SEL1L2: variants seen among roughly 807,000 people sequenced by gnomAD.
The protein encoded by SEL1L2 is SEL1L2 adaptor subunit of SYVN1 ubiquitin ligase.
SEL1L2 carries 89 observed loss-of-function variants against 98.8 expected under a neutral mutation model. The ratio of observed to expected loss-of-function variants is 0.90; its 90% CI spans 0.76 to 1.07. The LOEUF is 1.07. Among genes scored for constraint, SEL1L2 ranks in the 50% least tolerant of loss-of-function variants. The pLI, the probability that SEL1L2 is intolerant of heterozygous loss-of-function variation, is 0.00. For synonymous variants in SEL1L2, 262 were observed against 278.5 expected, an observed-to-expected ratio of 0.94 and a Z score of 0.59; for missense variants, 788 against 812.0, an observed-to-expected ratio of 0.97 and a Z score of 0.36.
At chr20:13,852,552 T>C (rs1988445895) in intron 18 of SEL1L2, among the ~76,000 whole-genome samples, 1 of 152,202 alleles carries the variant, frequency 6.6e-6, no homozygotes, top group Admixed American at 6.5e-5. Flanking sequence ...ATGACCACAG[T>C]TCATTAAATG....
chr20:13,850,413 G>A, intron 18 of SEL1L2, 94 bp from the exon 19 acceptor site: 2 of 1,378,106 alleles, frequency 1.5e-6, no homozygotes, highest in Non-Finnish European at 2.0e-6. Context: ...TAAGGTTACA[G>A]GTCTTAAGAT....
At chr20:13,987,441 G>A (rs1006065715) in intron 1 of SEL1L2, among the ~76,000 whole-genome samples, 1 of 151,726 alleles carries the variant, frequency 6.6e-6, no homozygotes, top group Non-Finnish European at 1.5e-5. Flanking sequence ...TGCCTCCGGG[G>A]TTCAAGCGAT....
intron 2 of SEL1L2, among the ~76,000 whole-genome samples, chr20:13,938,013 G>A (rs2049539138): frequency 6.6e-6 from 1 of 151,710 alleles, no homozygotes; most frequent in South Asian, 2.1e-4. Context: ...ATGCTTGAAG[G>A]CAAAAACAAA....
At chr20:13,983,042 A>AAAAAAAAAAAAAC (rs1171546416) in intron 1 of SEL1L2, among the ~76,000 whole-genome samples, 1 of 143,862 alleles carries the variant, frequency 7.0e-6, no homozygotes, top group Non-Finnish European at 1.5e-5. Flanking sequence ...AAAAAAAAAA[A>AAAAAAAAAAAAAC]AAAAAAGCAG....
chr20:13,975,219 A>G (rs941788982), intron 1 of SEL1L2, among the ~76,000 whole-genome samples: 9 of 152,238 alleles, frequency 5.9e-5, no homozygotes, highest in African/African-American at 2.2e-4. Flanking sequence ...AGTTTATATA[A>G]TAATCATACT....
intron 3 of SEL1L2, among the ~76,000 whole-genome samples, chr20:13,920,835 A>T (rs1188793769): frequency 6.6e-6 from 1 of 152,160 alleles, no homozygotes. Context: ...TTAAAAATTT[A>T]AAAACTAAAA....
At chr20:13,937,898 G>A (rs1314692205) in intron 2 of SEL1L2, among the ~76,000 whole-genome samples, 1 of 152,120 alleles carries the variant, frequency 6.6e-6, no homozygotes, top group Non-Finnish European at 1.5e-5. Context: ...AGGAAAGAAA[G>A]TTTGAATTTA....
intron 12 of SEL1L2, among the ~76,000 whole-genome samples, chr20:13,871,339 C>T (rs2046184405): frequency 6.6e-6 from 1 of 152,104 alleles, no homozygotes; most frequent in African/African-American, 2.4e-5. Context: ...GTATTTAGCA[C>T]ATTTAGTATT....
intron 2 of SEL1L2, among the ~76,000 whole-genome samples, chr20:13,953,732 T>C (rs1369633542): frequency 6.6e-6 from 1 of 152,198 alleles, no homozygotes. Context: ...TCCCCACCTT[T>C]TTTCCTTTTC....
intron 15 of SEL1L2, 126 bp downstream of exon 15, chr20:13,866,576 C>G: frequency 1.2e-6 from 1 of 811,072 alleles, no homozygotes; most frequent in Non-Finnish European, 1.8e-6. Context: ...TCAGTATTCA[C>G]ATTGTCAACT....
chr20:13,971,836 A>G (rs1280098515), intron 1 of SEL1L2, among the ~76,000 whole-genome samples: 1 of 152,160 alleles, frequency 6.6e-6, no homozygotes, highest in Non-Finnish European at 1.5e-5. Context: ...ACTAGCAATC[A>G]TTACAATCCA....
intron 4 of SEL1L2, among the ~76,000 whole-genome samples, chr20:13,914,632 A>G (rs1163568330): frequency 6.6e-6 from 1 of 152,216 alleles, no homozygotes; most frequent in Admixed American, 6.5e-5. Flanking sequence ...TGGGGATAGC[A>G]TTATAGCACC....
rs2049259817 is a variant in SEL1L2 at position 13,933,674 on chromosome 20, A to G, written c.115-1903T>C. Among the ~76,000 whole-genome samples the G allele has an allele frequency of 2.6e-5, 4 of 152,312 alleles. No homozygotes were observed. The South Asian group carries it at 8.3e-4, about 32-fold the overall frequency. On this transcript the variant is annotated intron_variant, in intron 2 of 19. Transcript: ENST00000284951. ...TCAGGGACCCAAGCAGATATTAAAT[A>G]GATACTGTGCCAGCTTCAACATGCG...
At chr20:13,934,209 A>T (rs2148330044) in intron 2 of SEL1L2, among the ~76,000 whole-genome samples, 1 of 147,850 alleles carries the variant, frequency 6.8e-6, no homozygotes, top group East Asian at 2.0e-4. Context: ...TATAAGTGAG[A>T]ACATCCAATG....
At chr20:13,885,817 C>T (rs1445443824) in intron 9 of SEL1L2, among the ~76,000 whole-genome samples, 1 of 152,250 alleles carries the variant, frequency 6.6e-6, no homozygotes, top group African/African-American at 2.4e-5. Context: ...GGGCAGATCA[C>T]GAGGTCAGGA....
intron 1 of SEL1L2, among the ~76,000 whole-genome samples, chr20:13,988,690 AAAG>A (rs2052376620): frequency 6.6e-6 from 1 of 152,140 alleles, no homozygotes; most frequent in Admixed American, 6.5e-5. Flanking sequence ...CAATTTTTGA[AAAG>A]AAGTCAGCTG....
rs191515511 is a variant in SEL1L2, at chr20:13,948,770, C to T, written c.114+7306G>A. On this transcript the variant is annotated intron_variant, in intron 2 of 19. Transcript: ENST00000284951. Reference sequence around the variant, plus strand: ...CTACTGCATGCCACACAGAAAGCCACTGCACAGAAAACCAGTGATTGAGAC... The same window carrying T: ...CTACTGCATGCCACACAGAAAGCCATTGCACAGAAAACCAGTGATTGAGAC... Among the ~76,000 whole-genome samples, 4 of 152,230 alleles carry T rather than the reference C, an allele frequency of 2.6e-5. 1 individual carries two copies. In the South Asian group the frequency reaches 8.3e-4, roughly 31 times the overall value.
intron 17 of SEL1L2, among the ~76,000 whole-genome samples, chr20:13,860,582 G>A (rs1338300903): frequency 6.6e-6 from 1 of 152,002 alleles, no homozygotes; most frequent in African/African-American, 2.4e-5. Flanking sequence ...ACTCTTGTCT[G>A]ACTCCTCTGC....
intron 4 of SEL1L2, among the ~76,000 whole-genome samples, chr20:13,915,862 T>C (rs867566315): frequency 1.2e-4 from 19 of 152,290 alleles, no homozygotes; most frequent in South Asian, 2.1e-4. Context: ...ATTTAATTAG[T>C]TATCTGAATG....
Sources: allele counts gnomAD v4.1 joint callset (sites outside exome capture counted in the v4.1 genomes callset), GRCh38; gene constraint gnomAD v4.1.1; transcripts MANE v1.5; gene names NCBI Gene and HGNC (gene_info 2026-07-23, HGNC 2026-07-21).